The following DPP10 variants were observed in gnomAD, a reference collection of about 807,000 sequenced individuals.
DPP10 encodes the protein dipeptidyl peptidase like 10, also known as inactive dipeptidyl peptidase 10.
In DPP10, 33 loss-of-function variants were observed where a neutral mutation model predicts 120.9. The ratio of observed to expected loss-of-function variants is 0.27; its 90% CI spans 0.21 to 0.37. DPP10 has a LOEUF of 0.37. Among genes scored for constraint, DPP10 ranks in the 10% least tolerant of loss-of-function variants. The pLI is 1.00. For missense variants in DPP10, 816 were observed against 942.8 expected, an observed-to-expected ratio of 0.87 and a Z score of 1.76; for synonymous variants, 337 against 326.1, an observed-to-expected ratio of 1.03 and a Z score of -0.36.
At chr2:115,133,351 C>T (rs1244133246) in intron 1 of DPP10, among the ~76,000 whole-genome samples, 1 of 151,208 alleles carries the variant, frequency 6.6e-6, no homozygotes, top group African/African-American at 2.4e-5. Context: ...TGGCCAGGAA[C>T]ATTTCTGTTT....
chr2:114,687,363 G>A (rs1672678831), intron 1 of DPP10, among the ~76,000 whole-genome samples: 1 of 151,938 alleles, frequency 6.6e-6, no homozygotes, highest in Non-Finnish European at 1.5e-5. Context: ...TTAGAAGTTA[G>A]CAGATGTATC....
At chr2:114,586,079 C>G (rs1449720035) in intron 1 of DPP10, among the ~76,000 whole-genome samples, 1 of 152,076 alleles carries the variant, frequency 6.6e-6, no homozygotes, top group African/African-American at 2.4e-5. Flanking sequence ...GAAACTCCAT[C>G]TCTATAATAA....
At chr2:115,741,616 A>G (rs1173423637) in intron 9 of DPP10, among the ~76,000 whole-genome samples, 2 of 152,184 alleles carry the variant, frequency 1.3e-5, no homozygotes, top group Non-Finnish European at 2.9e-5. Context: ...AGGCACATTC[A>G]ACTGTTCAGT....
chr2:115,080,045 C>A (rs1344477994), intron 1 of DPP10, among the ~76,000 whole-genome samples: 1 of 152,002 alleles, frequency 6.6e-6, no homozygotes, highest in Non-Finnish European at 1.5e-5. Flanking sequence ...TAGATGGAGT[C>A]TTGCTCTTAT....
rs190420652 is a variant in DPP10, at chr2:114,502,092, C to T, written c.60+59254C>T. Among the ~76,000 whole-genome samples the T allele has an allele frequency of 3.7e-3, 560 of 151,768 alleles. 3 individuals carry two copies. Among genetic ancestry groups the T allele is most frequent in the African/African-American group, 0.013 (533 of 41,352 alleles). ...CTGGGATTACAGGCACGCACCACCACGCTCAGCTAATTTTTGTATTTATTT... is the reference window on the plus strand; with the variant it reads ...CTGGGATTACAGGCACGCACCACCATGCTCAGCTAATTTTTGTATTTATTT... On this transcript the variant is annotated intron_variant, in intron 1 of 25. Transcript: ENST00000410059.
chr2:115,523,757 G>A (rs963664925), intron 4 of DPP10, among the ~76,000 whole-genome samples: 4 of 152,112 alleles, frequency 2.6e-5, no homozygotes, highest in Admixed American at 6.6e-5. Context: ...AGAGAATTAG[G>A]TCGTATCATA....
chr2:114,911,463 T>C (rs1694363608), intron 1 of DPP10, among the ~76,000 whole-genome samples: 1 of 152,132 alleles, frequency 6.6e-6, no homozygotes, highest in Non-Finnish European at 1.5e-5. Context: ...AGATGAACAA[T>C]AAACAGGTAA....
At chr2:114,485,261 C>T (rs1358611373) in intron 1 of DPP10, among the ~76,000 whole-genome samples, 1 of 152,060 alleles carries the variant, frequency 6.6e-6, no homozygotes, top group South Asian at 2.1e-4. Context: ...GGACAGCTGC[C>T]GTTCTACAAA....
At chr2:114,520,680 T>C (rs1684975562) in intron 1 of DPP10, among the ~76,000 whole-genome samples, 1 of 152,198 alleles carries the variant, frequency 6.6e-6, no homozygotes, top group South Asian at 2.1e-4. Context: ...CATGACAGCA[T>C]GCCTAAAGCT....
intron 1 of DPP10, among the ~76,000 whole-genome samples, chr2:114,625,705 C>A (rs1017190197): frequency 6.6e-6 from 1 of 151,970 alleles, no homozygotes; most frequent in African/African-American, 2.4e-5. Flanking sequence ...TCTGAGAACA[C>A]CAAGCTTACT....
intron 1 of DPP10, among the ~76,000 whole-genome samples, chr2:114,991,221 C>T (rs1366264626): frequency 1.3e-5 from 2 of 152,102 alleles, no homozygotes; most frequent in African/African-American, 4.8e-5. Flanking sequence ...ACAGTTACAG[C>T]CCTAGCCAAC....
intron 3 of DPP10, among the ~76,000 whole-genome samples, chr2:115,407,563 G>A (rs1463262969): frequency 2.6e-5 from 4 of 152,086 alleles, no homozygotes; most frequent in Non-Finnish European, 5.9e-5. Flanking sequence ...GGACAAACCA[G>A]GTTATTAGAA....
intron 1 of DPP10, among the ~76,000 whole-genome samples, chr2:115,041,117 C>CAAAA (rs10577275): frequency 7.8e-6 from 1 of 127,936 alleles, no homozygotes. Context: ...TAGCTCAAAA[C>CAAAA]AAAAAAAAAA....
intron 1 of DPP10, among the ~76,000 whole-genome samples, chr2:114,450,952 T>C (rs962789376): frequency 1.3e-5 from 2 of 152,094 alleles, no homozygotes; most frequent in Non-Finnish European, 2.9e-5. Flanking sequence ...AGATGAATCA[T>C]TGCTGACGGA....
intron 21 of DPP10, among the ~76,000 whole-genome samples, chr2:115,831,122 T>G (rs1053994056): frequency 6.6e-6 from 1 of 152,144 alleles, no homozygotes; most frequent in Non-Finnish European, 1.5e-5. Context: ...AATAATAGAG[T>G]GTAATAAAAT....
intron 1 of DPP10, among the ~76,000 whole-genome samples, chr2:115,028,170 G>A (rs1703601280): frequency 6.6e-6 from 1 of 151,826 alleles, no homozygotes; most frequent in Non-Finnish European, 1.5e-5. Context: ...TGCTTTGTCA[G>A]TTCCTTAAGA....
At chr2:115,172,584 C>T (rs906187898) in intron 1 of DPP10, among the ~76,000 whole-genome samples, 7 of 152,150 alleles carry the variant, frequency 4.6e-5, no homozygotes, top group Admixed American at 1.3e-4. Flanking sequence ...GACGTTAAAC[C>T]CTAGAACCTT....
chr2:115,768,453 C>A, intron 13 of DPP10, 49 bp downstream of exon 13: 1 of 1,534,812 alleles, frequency 6.5e-7, no homozygotes, highest in South Asian at 1.1e-5. Flanking sequence ...CCTCATGTCC[C>A]CGAAGGCCCA....
chr2:114,876,585 T>A (rs79990414), intron 1 of DPP10, among the ~76,000 whole-genome samples: 3,428 of 152,212 alleles, frequency 0.023, 131 homozygotes, highest in African/African-American at 0.079. Context: ...TTAAATTTGA[T>A]GACATATGCC....
Sources: gnomAD v4.1 joint callset for allele counts (sites outside exome capture counted in the v4.1 genomes callset) on GRCh38, gnomAD v4.1.1 for gene constraint, MANE v1.5 for transcripts, NCBI Gene and HGNC (gene_info 2026-07-23, HGNC 2026-07-21) for gene names.